The following DPP10 variants were observed in gnomAD, a reference collection of about 807,000 sequenced individuals.
DPP10 encodes the protein inactive dipeptidyl peptidase 10.
DPP10 carries 33 observed loss-of-function variants against 120.9 expected under a neutral mutation model. That is an observed-to-expected ratio of 0.27 (90% CI 0.21 to 0.37). DPP10 has a LOEUF of 0.37. Ranked by LOEUF, DPP10 falls within the 10% of genes least tolerant of loss-of-function variation. DPP10 has a pLI of 1.00. For synonymous variants in DPP10, 337 were observed against 326.1 expected, an observed-to-expected ratio of 1.03 and a Z score of -0.36; for missense variants, 816 against 942.8, an observed-to-expected ratio of 0.87 and a Z score of 1.76.
chr2:114,755,923 A>G (rs17729212), intron 1 of DPP10, among the ~76,000 whole-genome samples: 12,790 of 150,742 alleles, frequency 0.085, 624 homozygotes, highest in South Asian at 0.11. Flanking sequence ...AGTAGTTAAA[A>G]TAGTCTGAGA....
At chr2:115,722,511 A>G (rs2092672946) in intron 7 of DPP10, among the ~76,000 whole-genome samples, 1 of 151,856 alleles carries the variant, frequency 6.6e-6, no homozygotes, top group Admixed American at 6.6e-5. Context: ...ATACACACCT[A>G]TTTTGTATAG....
At chr2:115,756,256 G>A (rs1679396792) in intron 11 of DPP10, among the ~76,000 whole-genome samples, 1 of 152,106 alleles carries the variant, frequency 6.6e-6, no homozygotes, top group Non-Finnish European at 1.5e-5. Flanking sequence ...AAGTTCTAGT[G>A]TTCTGAAGCA....
intron 1 of DPP10, among the ~76,000 whole-genome samples, chr2:115,024,324 CG>C (rs1349757440): frequency 6.6e-6 from 1 of 151,848 alleles, no homozygotes; most frequent in African/African-American, 2.4e-5. Context: ...AATATTGATA[CG>C]GTTGCTGTTT....
intron 1 of DPP10, among the ~76,000 whole-genome samples, chr2:115,278,575 G>A (rs2060011888): frequency 6.6e-6 from 1 of 151,996 alleles, no homozygotes; most frequent in Non-Finnish European, 1.5e-5. Flanking sequence ...GAGGGCCTCA[G>A]GCTGCTTCTA....
intron 1 of DPP10, among the ~76,000 whole-genome samples, chr2:114,502,645 T>A (rs1683297409): frequency 1.3e-5 from 2 of 152,146 alleles, no homozygotes; most frequent in African/African-American, 4.8e-5. Flanking sequence ...ACCCTCTTTT[T>A]CTCATGTGGG....
intron 5 of DPP10, among the ~76,000 whole-genome samples, chr2:115,547,247 C>G (rs2079560983): frequency 6.6e-6 from 1 of 152,106 alleles, no homozygotes; most frequent in African/African-American, 2.4e-5. Flanking sequence ...ATTTTAAAAG[C>G]TATCTGGCAA....
intron 3 of DPP10, among the ~76,000 whole-genome samples, chr2:115,367,957 A>G (rs768684318): frequency 6.6e-4 from 100 of 152,214 alleles, no homozygotes; most frequent in Non-Finnish European, 9.1e-4. Flanking sequence ...ACCTTGTCCT[A>G]GTTCTGCCTT....
At chr2:114,498,368 C>T (rs540619614) in intron 1 of DPP10, among the ~76,000 whole-genome samples, 12 of 152,268 alleles carry the variant, frequency 7.9e-5, no homozygotes, top group Admixed American at 4.6e-4. Context: ...CTATTCTCTA[C>T]TTCTGTAAGT....
chr2:115,220,384 C>A (rs1396000828), intron 1 of DPP10, among the ~76,000 whole-genome samples: 3 of 73,986 alleles, frequency 4.1e-5, no homozygotes, highest in Non-Finnish European at 9.4e-5. Context: ...TGTGACCTTA[C>A]GAAAGATACC....
At chr2:115,153,143 A>C (rs2051675027) in intron 1 of DPP10, among the ~76,000 whole-genome samples, 1 of 152,142 alleles carries the variant, frequency 6.6e-6, no homozygotes, top group African/African-American at 2.4e-5. Context: ...TTTATACTGA[A>C]GAGTAATAAT....
intron 3 of DPP10, among the ~76,000 whole-genome samples, chr2:115,404,127 C>T (rs879436262): frequency 4.6e-5 from 7 of 152,054 alleles, no homozygotes; most frequent in African/African-American, 9.7e-5. Context: ...AATGGGTTCA[C>T]GCTTCTACAG....
intron 1 of DPP10, among the ~76,000 whole-genome samples, chr2:114,959,317 A>G (rs1698441866): frequency 6.6e-6 from 1 of 152,180 alleles, no homozygotes; most frequent in African/African-American, 2.4e-5. Flanking sequence ...TCCTCTGAGT[A>G]GAATCTTACA....
At chr2:114,653,219 C>G (rs1272293218) in intron 1 of DPP10, among the ~76,000 whole-genome samples, 1 of 152,094 alleles carries the variant, frequency 6.6e-6, no homozygotes, top group Non-Finnish European at 1.5e-5. Context: ...CAGGTGGATT[C>G]TAATTCCAAG....
chr2:114,557,747 C>G (rs1262821506), intron 1 of DPP10, among the ~76,000 whole-genome samples: 1 of 152,052 alleles, frequency 6.6e-6, no homozygotes, highest in Non-Finnish European at 1.5e-5. Context: ...GCTCGGCTCG[C>G]GACTAGCTGA....
intron 1 of DPP10, among the ~76,000 whole-genome samples, chr2:115,269,008 G>A (rs1379785216): frequency 3.3e-5 from 5 of 152,106 alleles, no homozygotes; most frequent in Non-Finnish European, 5.9e-5. Context: ...TTAGCTGGGC[G>A]TGGTGGCACG....
chr2:115,032,968 C>T (rs563908357), intron 1 of DPP10, among the ~76,000 whole-genome samples: 27 of 151,852 alleles, frequency 1.8e-4, no homozygotes, highest in Non-Finnish European at 2.4e-4. Flanking sequence ...TATCCCTTTG[C>T]TCTCTGTTTT....
Position 115,845,034 on chromosome 2 carries a change from A to G in DPP10, c.*2689A>G, listed in dbSNP as rs1690504712. On this transcript the variant is annotated 3_prime_UTR_variant, in exon 26 of 26. Coordinates refer to ENST00000410059, the MANE Select transcript of DPP10 (RefSeq NM_020868.6). ...TTGGGTGTTTAGCATAAAAATCACT[A>G]TTGGGGATCTTACAGATGTCTGTTG... The G allele has an allele frequency of 6.6e-6, 1 of 152,176 alleles. No homozygotes were observed. The highest frequency in any genetic ancestry group is 1.5e-5 in the Non-Finnish European group (1 of 68,030). 9.4% of individuals were successfully genotyped at this position (152,176 alleles called of 1,614,324 possible).
At chr2:114,580,535 A>C (rs1276148644) in intron 1 of DPP10, among the ~76,000 whole-genome samples, 1 of 152,204 alleles carries the variant, frequency 6.6e-6, no homozygotes, top group Non-Finnish European at 1.5e-5. Context: ...ATTTGGAATA[A>C]TGCCTGTCTT....
intron 17 of DPP10, among the ~76,000 whole-genome samples, chr2:115,787,674 C>A (rs964790422): frequency 5.9e-5 from 9 of 151,998 alleles, no homozygotes; most frequent in Non-Finnish European, 1.3e-4. Context: ...GATGCAATAA[C>A]GGCCAAAAAT....
Sources: gnomAD v4.1 joint callset for allele counts (sites outside exome capture counted in the v4.1 genomes callset) on GRCh38, gnomAD v4.1.1 for gene constraint, MANE v1.5 for transcripts, NCBI Gene and HGNC (gene_info 2026-07-23, HGNC 2026-07-21) for gene names.